ST7: variants seen among roughly 807,000 people sequenced by gnomAD.
ST7 encodes the protein suppression of tumorigenicity 7.
A neutral mutation model predicts 78.7 loss-of-function variants in ST7; 28 were observed. That is an observed-to-expected ratio of 0.36 (90% CI 0.26 to 0.49). The LOEUF (loss-of-function observed/expected upper bound fraction) is 0.49, where lower values mean the gene tolerates loss of function less well. ST7 is among the 20% of genes least tolerant of loss of function. The pLI is 0.99. For missense variants in ST7, 418 were observed against 696.0 expected, an observed-to-expected ratio of 0.60 and a Z score of 4.49; for synonymous variants, 247 against 249.6, an observed-to-expected ratio of 0.99 and a Z score of 0.10.
At chr7:117,065,460 C>T (rs1798585771) in intron 1 of ST7, among the ~76,000 whole-genome samples, 1 of 152,140 alleles carries the variant, frequency 6.6e-6, no homozygotes, top group South Asian at 2.1e-4. Flanking sequence ...CTGCCTGCCT[C>T]GGCCTCCCAA....
intron 2 of ST7, among the ~76,000 whole-genome samples, chr7:117,101,079 A>G (rs1423059516): frequency 2.0e-5 from 3 of 152,148 alleles, no homozygotes; most frequent in South Asian, 2.1e-4. Flanking sequence ...GAAGAAATGT[A>G]TGGAGGACAG....
chr7:117,099,746 CTCTTT>C lies in ST7; in HGVS notation c.152-9_152-5del, dbSNP rs530179945. The stretch of plus-strand genomic sequence containing the variant: ...ATTCCTTGTTCTTCTCCCTTTCTCT[CTCTTT>C]TCTTTTTCAGTGAGCATGTTTTTGA... On this transcript the variant is annotated splice_polypyrimidine_tract_variant and intron_variant, in intron 1 of 15. Transcript: ENST00000323984. 2.0e-4 allele frequency: 324 copies of C among 1,604,138 alleles called. 2 individuals are homozygous for C. In the South Asian group the frequency reaches 3.4e-3, roughly 17 times the overall value.
intron 1 of ST7, among the ~76,000 whole-genome samples, chr7:117,059,207 A>G (rs1424607803): frequency 6.6e-6 from 1 of 152,208 alleles, no homozygotes; most frequent in African/African-American, 2.4e-5. Context: ...GATTGTTTGT[A>G]ACACAAAGGA....
intron 2 of ST7, 39 bp from the exon 3 acceptor site, chr7:117,119,522 A>G (rs908625133): frequency 6.3e-7 from 1 of 1,589,278 alleles, no homozygotes; most frequent in African/African-American, 1.4e-5. Context: ...GTCGTAAATG[A>G]TAACAGTGAC....
chr7:117,017,566 G>T (rs1401333587), intron 1 of ST7, among the ~76,000 whole-genome samples: 1 of 152,068 alleles, frequency 6.6e-6, no homozygotes. Flanking sequence ...TGCAGGCAGG[G>T]GTATTCAGAC....
chr7:117,207,336 G>A (rs903870718), intron 12 of ST7, among the ~76,000 whole-genome samples: 1 of 152,012 alleles, frequency 6.6e-6, no homozygotes, highest in Non-Finnish European at 1.5e-5. Context: ...TAGAGACAGA[G>A]TTTTACCACC....
intron 1 of ST7, among the ~76,000 whole-genome samples, chr7:117,035,819 C>T (rs1389729293): frequency 3.4e-5 from 5 of 149,152 alleles, no homozygotes; most frequent in African/African-American, 7.4e-5. Context: ...TAGAATCAGT[C>T]TTTTTTTTTT....
Position 117,222,008 on chromosome 7 carries a change from G to A in ST7, c.1584G>A (p.Met528Ile), listed in dbSNP as rs760144640. 1 of 1,612,756 alleles carries A rather than the reference G, an allele frequency of 6.2e-7. No homozygotes were observed. Among genetic ancestry groups the A allele is most frequent in the South Asian group, 1.1e-5 (1 of 90,864 alleles). Residue 528 changes from methionine (M) to isoleucine (I), a missense_variant, in exon 15 of 16, where the codon ATG becomes ATA. Physicochemically the swap from Met to Ile is conservative, Grantham distance 10 (BLOSUM62 1). Transcript: ENST00000323984. ...FTAGLCSFTA[M>I]LALLTHQFPE... ...CTGGATTATGTTCCTTCACAGCCAT[G>A]CTGGCCCTCCTGACACATCAGTTCC...
intron 1 of ST7, among the ~76,000 whole-genome samples, chr7:117,042,082 T>A (rs1158585688): frequency 6.6e-6 from 1 of 152,224 alleles, no homozygotes; most frequent in African/African-American, 2.4e-5. Flanking sequence ...GCATAATAAA[T>A]ACACATACGT....
At chr7:117,150,460 G>T (rs1055922529) in intron 9 of ST7, among the ~76,000 whole-genome samples, 1 of 152,056 alleles carries the variant, frequency 6.6e-6, no homozygotes, top group Non-Finnish European at 1.5e-5. Flanking sequence ...TGGCATTTCA[G>T]TTGTAACCTC....
chr7:117,157,865 T>G (rs1426867379), intron 9 of ST7, among the ~76,000 whole-genome samples: 1 of 152,184 alleles, frequency 6.6e-6, no homozygotes, highest in Non-Finnish European at 1.5e-5. Context: ...GGTTTGTTCA[T>G]GATCTCCGGG....
chr7:117,047,137 G>A (rs535656697), intron 1 of ST7, among the ~76,000 whole-genome samples: 3 of 152,224 alleles, frequency 2.0e-5, no homozygotes, highest in Admixed American at 6.5e-5. Context: ...TAAGGACATC[G>A]GTCATTAAAA....
intron 2 of ST7, among the ~76,000 whole-genome samples, chr7:117,107,603 CTTTTT>C: frequency 1.4e-5 from 1 of 73,576 alleles, no homozygotes; most frequent in East Asian, 3.9e-4. Flanking sequence ...TAGCCCACTT[CTTTTT>C]TTTTTTTTTT....
At chr7:117,227,873 C>G (rs561579297) in intron 15 of ST7, among the ~76,000 whole-genome samples, 109 of 152,282 alleles carry the variant, frequency 7.2e-4, no homozygotes, top group African/African-American at 2.5e-3. Flanking sequence ...GTACCTGGCA[C>G]CCGCTTGAGG....
intron 2 of ST7, among the ~76,000 whole-genome samples, chr7:117,106,627 T>G (rs1399382657): frequency 1.4e-5 from 2 of 146,258 alleles, no homozygotes; most frequent in African/African-American, 5.1e-5. Flanking sequence ...TTTTTTTTTT[T>G]TTTTTTTTTT....
At chr7:117,135,497 TGAAG>T (rs1804713094) in intron 7 of ST7, among the ~76,000 whole-genome samples, 2 of 152,220 alleles carry the variant, frequency 1.3e-5, no homozygotes, top group South Asian at 4.1e-4. Flanking sequence ...AAAGAGATGT[TGAAG>T]CACTGTGTTT....
intron 7 of ST7, among the ~76,000 whole-genome samples, chr7:117,135,023 T>G (rs972188074): frequency 2.0e-5 from 3 of 152,080 alleles, no homozygotes; most frequent in Non-Finnish European, 4.4e-5. Context: ...AAGTAACATT[T>G]GGTTTTACTT....
intron 15 of ST7, among the ~76,000 whole-genome samples, chr7:117,224,195 ATTC>A (rs1481351591): frequency 6.6e-6 from 1 of 152,100 alleles, no homozygotes; most frequent in Non-Finnish European, 1.5e-5. Flanking sequence ...GTTTCCACTT[ATTC>A]CTATTCTATA....
chr7:117,073,339 T>C (rs1329455935), intron 1 of ST7, among the ~76,000 whole-genome samples: 1 of 152,218 alleles, frequency 6.6e-6, no homozygotes, highest in Non-Finnish European at 1.5e-5. Flanking sequence ...TTACATAATA[T>C]GTTAGTGAAA....
Sources: allele counts gnomAD v4.1 joint callset (sites outside exome capture counted in the v4.1 genomes callset), GRCh38; gene constraint gnomAD v4.1.1; transcripts MANE v1.5; gene names NCBI Gene and HGNC (gene_info 2026-07-23, HGNC 2026-07-21).